SHB: variants seen among roughly 807,000 people sequenced by gnomAD.
SHB encodes SH2 domain containing adaptor protein B.
A neutral mutation model predicts 52.3 loss-of-function variants in SHB; 20 were observed. The ratio of observed to expected loss-of-function variants is 0.38; its 90% confidence interval spans 0.27 to 0.56. SHB has a LOEUF of 0.56. Ranked by LOEUF, SHB falls within the 20% of genes least tolerant of loss-of-function variation. The pLI is 0.71. For synonymous variants in SHB, 397 were observed against 316.5 expected (o/e 1.25, Z -2.70); for missense variants, 825 against 723.3 (o/e 1.14, Z -1.61).
chr9:37,997,991 T>C (rs1820970529), intron 2 of SHB, among the ~76,000 whole-genome samples: 1 of 152,240 alleles, frequency 6.6e-6, no homozygotes, highest in Non-Finnish European at 1.5e-5. Context: ...TGGTACCCAC[T>C]GTGTCCAACC....
At chr9:38,003,587 A>G (rs936938574) in intron 2 of SHB, among the ~76,000 whole-genome samples, 1 of 152,242 alleles carries the variant, frequency 6.6e-6, no homozygotes, top group Middle Eastern at 3.4e-3. Context: ...CAGTGCCCAG[A>G]ACAGCAGGGC....
chr9:37,979,219 A>G (rs1263250184), intron 2 of SHB, among the ~76,000 whole-genome samples: 1 of 152,248 alleles, frequency 6.6e-6, no homozygotes, highest in Admixed American at 6.5e-5. Flanking sequence ...GACCTTTAAT[A>G]TTAGGTGGCA....
chr9:37,958,146 A>G (rs542844326), intron 3 of SHB, among the ~76,000 whole-genome samples: 1 of 152,310 alleles, frequency 6.6e-6, no homozygotes, highest in Admixed American at 6.5e-5. Flanking sequence ...TGAACCTAAA[A>G]CTGCTCTAGA....
At chr9:38,030,340 C>T (rs1387976762) in intron 1 of SHB, among the ~76,000 whole-genome samples, 1 of 152,200 alleles carries the variant, frequency 6.6e-6, no homozygotes, top group Non-Finnish European at 1.5e-5. Context: ...CCCAGATAAA[C>T]ACCACCTGCC....
chr9:37,982,755 C>T (rs1343928739), intron 2 of SHB, among the ~76,000 whole-genome samples: 2 of 152,014 alleles, frequency 1.3e-5, no homozygotes, highest in South Asian at 2.1e-4. Context: ...GCCAAGATCA[C>T]GCTATTGCAC....
chr9:37,950,900 C>T (rs1346542769), intron 4 of SHB, among the ~76,000 whole-genome samples: 1 of 152,226 alleles, frequency 6.6e-6, no homozygotes, highest in Non-Finnish European at 1.5e-5. Flanking sequence ...CATCCAGAGG[C>T]TGCATTTTAC....
intron 2 of SHB, among the ~76,000 whole-genome samples, chr9:37,999,960 AT>A (rs1455713967): frequency 1.3e-5 from 2 of 152,160 alleles, no homozygotes; most frequent in African/African-American, 2.4e-5. Flanking sequence ...CCATTCAGAG[AT>A]TTACAAGATT....
chr9:37,944,553 C>T (rs1178332898), intron 5 of SHB, among the ~76,000 whole-genome samples: 2 of 152,182 alleles, frequency 1.3e-5, no homozygotes, highest in African/African-American at 4.8e-5. Context: ...CCCATGGCCT[C>T]CACTCCAGTC....
intron 3 of SHB, among the ~76,000 whole-genome samples, chr9:37,971,641 A>G (rs1461296863): frequency 6.6e-6 from 1 of 152,160 alleles, no homozygotes; most frequent in African/African-American, 2.4e-5. Context: ...TGACCGGATG[A>G]GACACAGACG....
intron 5 of SHB, among the ~76,000 whole-genome samples, chr9:37,944,607 C>A (rs1277946713): frequency 6.6e-6 from 1 of 152,156 alleles, no homozygotes; most frequent in Non-Finnish European, 1.5e-5. Flanking sequence ...CTTCCCCCAG[C>A]CTAAGATGAG....
chr9:38,064,551 G>A (rs561712212), intron 1 of SHB, among the ~76,000 whole-genome samples: 1 of 152,274 alleles, frequency 6.6e-6, no homozygotes, highest in African/African-American at 2.4e-5. Context: ...CCTGAGCTGA[G>A]ATTCCACTTC....
chr9:38,054,345 T>G (rs1821785635), intron 1 of SHB, among the ~76,000 whole-genome samples: 1 of 152,194 alleles, frequency 6.6e-6, no homozygotes, highest in Non-Finnish European at 1.5e-5. Flanking sequence ...TCTGCTCCAC[T>G]TGCTACCTAC....
intron 1 of SHB, among the ~76,000 whole-genome samples, chr9:38,032,491 T>G (rs552989503): frequency 4.6e-5 from 7 of 152,210 alleles, no homozygotes; most frequent in Admixed American, 1.3e-4. Flanking sequence ...CTTGGCTCAG[T>G]TGCGCCAACC....
intron 4 of SHB, among the ~76,000 whole-genome samples, chr9:37,950,607 T>C (rs16934659): frequency 0.13 from 20,225 of 152,078 alleles, 1,413 homozygotes; most frequent in African/African-American, 0.19. Context: ...GGTACTGTGG[T>C]TGGAGTGTGC....
chr9:37,966,424 T>A (rs892493053), intron 3 of SHB, among the ~76,000 whole-genome samples: 4 of 152,180 alleles, frequency 2.6e-5, no homozygotes, highest in Non-Finnish European at 5.9e-5. Flanking sequence ...ACTAAATGAA[T>A]TTATTCATAC....
intron 2 of SHB, among the ~76,000 whole-genome samples, chr9:37,987,146 G>GA (rs1330514362): frequency 1.7e-4 from 26 of 152,318 alleles, no homozygotes; most frequent in South Asian, 1.5e-3. Context: ...GTGCAGCCAG[G>GA]CCCCTCCCCG....
chr9:37,935,753 G>A lies in SHB; in HGVS notation c.1346+12882C>T, dbSNP rs142961032. Among the ~76,000 whole-genome samples the A allele has an allele frequency of 3.1e-3, 468 of 152,204 alleles. 3 individuals are homozygous for A. Among genetic ancestry groups the A allele is most frequent in the African/African-American group, 0.011 (444 of 41,520 alleles). ...CAGGGAGGGATTCTGGCTCCAGGTG[G>A]TCTACCTTCTTAGCCACGATACTCT... On this transcript the variant is annotated intron_variant, in intron 5 of 5. Transcript: ENST00000377707.
intron 1 of SHB, among the ~76,000 whole-genome samples, chr9:38,041,571 G>C (rs966453668): frequency 2.6e-5 from 4 of 152,132 alleles, no homozygotes; most frequent in Admixed American, 2.6e-4. Flanking sequence ...TAAAACTTCG[G>C]TGAGTTCGGG....
chr9:37,983,806 G>A (rs967837982), intron 2 of SHB, among the ~76,000 whole-genome samples: 1 of 152,224 alleles, frequency 6.6e-6, no homozygotes, highest in Non-Finnish European at 1.5e-5. Flanking sequence ...ATTAGGCTCA[G>A]GGCCCCAGCG....
Sources: allele counts gnomAD v4.1 joint callset (sites outside exome capture counted in the v4.1 genomes callset), GRCh38; gene constraint gnomAD v4.1.1; transcripts MANE v1.5; gene names NCBI Gene and HGNC (gene_info 2026-07-23, HGNC 2026-07-21).